IL1RAPL1: variants seen among roughly 807,000 people sequenced by gnomAD.
IL1RAPL1 encodes the protein interleukin 1 receptor accessory protein like 1, also known as interleukin-1 receptor accessory protein-like 1.
IL1RAPL1 carries 3 observed loss-of-function variants against 48.4 expected under a neutral mutation model. The ratio of observed to expected loss-of-function variants is 0.06; its 90% CI spans 0.03 to 0.16. The LOEUF is 0.16. Among genes scored for constraint, IL1RAPL1 ranks in the 10% least tolerant of loss-of-function variants. The probability of loss-of-function intolerance (pLI) is 1.00; values close to 1 mark genes in which losing one functional copy is unlikely to be tolerated. For missense variants in IL1RAPL1, 349 were observed against 530.6 expected, an observed-to-expected ratio of 0.66 and a Z score of 3.36; for synonymous variants, 185 against 187.7, an observed-to-expected ratio of 0.99 and a Z score of 0.12.
At chrX:28,962,574 T>C (rs145560134) in intron 2 of IL1RAPL1, among the ~76,000 whole-genome samples, 1,511 of 111,013 alleles carry the variant, frequency 0.014, 27 homozygotes, top group African/African-American at 0.045. Context: ...TCTACATCCA[T>C]GTATTAACCG....
intron 3 of IL1RAPL1, among the ~76,000 whole-genome samples, chrX:29,353,040 CTT>C (rs1360554758): frequency 8.9e-6 from 1 of 111,931 alleles, no homozygotes; most frequent in Admixed American, 9.6e-5. Flanking sequence ...CTTTGTATAA[CTT>C]ATCCTTCAAC....
At chrX:29,576,874 T>G (rs1602306249) in intron 5 of IL1RAPL1, among the ~76,000 whole-genome samples, 1 of 99,140 alleles carries the variant, frequency 1.0e-5, no homozygotes, top group East Asian at 3.2e-4. Context: ...TATTGATTTA[T>G]ATTTCATAAA....
At chrX:29,245,722 A>G (rs142893582) in intron 2 of IL1RAPL1, among the ~76,000 whole-genome samples, 1 of 111,960 alleles carries the variant, frequency 8.9e-6, no homozygotes, top group African/African-American at 3.2e-5. Context: ...CCCATTCTGT[A>G]GGTTGCCTTT....
chrX:28,679,816 C>A (rs1935037791), intron 1 of IL1RAPL1, among the ~76,000 whole-genome samples: 2 of 111,462 alleles, frequency 1.8e-5, no homozygotes, highest in South Asian at 7.4e-4. Flanking sequence ...GGTTTCTATG[C>A]CTGTTTTTAT....
chrX:29,275,827 C>CAT (rs1187747369), intron 2 of IL1RAPL1, among the ~76,000 whole-genome samples: 1 of 112,110 alleles, frequency 8.9e-6, no homozygotes, highest in East Asian at 2.8e-4. Context: ...CGGTCTATAA[C>CAT]ATGTTGTCTC....
At chrX:29,447,500 G>A (rs1002897051) in intron 5 of IL1RAPL1, among the ~76,000 whole-genome samples, 4 of 111,526 alleles carry the variant, frequency 3.6e-5, no homozygotes, top group Admixed American at 9.6e-5. Flanking sequence ...TTGTAATTAC[G>A]CACCTAGGAT....
At chrX:28,711,702 A>G (rs73630074) in intron 1 of IL1RAPL1, among the ~76,000 whole-genome samples, 3,027 of 107,617 alleles carry the variant, frequency 0.028, 97 homozygotes, top group African/African-American at 0.097. Flanking sequence ...AAGAAGGGGA[A>G]CTTTTAATAT....
Position 28,896,961 on chromosome X carries a change from C to G in IL1RAPL1, c.82+107536C>G, listed in dbSNP as rs180678319. On this transcript the variant is annotated intron_variant, in intron 2 of 10. Transcript: ENST00000378993. ...TTTTCTGGCTATTTGGAACCACTGTCGAGTTTGTATTGGGGTCAAGCGGCA... is the reference window on the plus strand; with the variant it reads ...TTTTCTGGCTATTTGGAACCACTGTGGAGTTTGTATTGGGGTCAAGCGGCA... Among the ~76,000 whole-genome samples the G allele has an allele frequency of 4.2e-4, 47 of 110,732 alleles. No individual in the cohort carries two copies. The East Asian group carries it at 0.012, about 28-fold the overall frequency.
intron 6 of IL1RAPL1, among the ~76,000 whole-genome samples, chrX:29,727,102 A>G (rs1428384212): frequency 8.9e-6 from 1 of 111,988 alleles, no homozygotes; most frequent in Non-Finnish European, 1.9e-5. Flanking sequence ...CTTTCAGACA[A>G]AAGAAAATGT....
At chrX:28,637,118 A>T (rs1934474806) in intron 1 of IL1RAPL1, among the ~76,000 whole-genome samples, 2 of 111,418 alleles carry the variant, frequency 1.8e-5, no homozygotes, top group South Asian at 7.6e-4. Flanking sequence ...TGAATATTTA[A>T]GGTTGAAATT....
Position 29,941,608 on chromosome X carries a change from T to C in IL1RAPL1, c.1058-43T>C, listed in dbSNP as rs994218682. On this transcript the variant is annotated intron_variant, in intron 8 of 10. Coordinates refer to ENST00000378993, the MANE Select transcript of IL1RAPL1 (RefSeq NM_014271.4). ...ACTGAGTTTAATTTATGATTTTGGA[T>C]GTGAATACCATATAATTCCCCATTG... 6.0e-6 allele frequency: 7 copies of C among 1,172,120 alleles called. No individual in the cohort carries two copies. The African/African-American group carries it at 1.2e-4, about 21-fold the overall frequency.
chrX:28,835,490 G>C (rs1921181290), intron 2 of IL1RAPL1, among the ~76,000 whole-genome samples: 1 of 110,843 alleles, frequency 9.0e-6, no homozygotes, highest in Admixed American at 9.7e-5. Flanking sequence ...CAGCACAGTG[G>C]GGGGAACTAA....
At chrX:29,840,867 T>G (rs1442449972) in intron 6 of IL1RAPL1, among the ~76,000 whole-genome samples, 1 of 112,144 alleles carries the variant, frequency 8.9e-6, no homozygotes, top group African/African-American at 3.2e-5. Flanking sequence ...ATAATATTGA[T>G]TATATCACAA....
intron 2 of IL1RAPL1, among the ~76,000 whole-genome samples, chrX:29,107,024 G>C (rs1207096587): frequency 9.0e-6 from 1 of 111,188 alleles, no homozygotes; most frequent in Non-Finnish European, 1.9e-5. Context: ...TTCTATTCTT[G>C]AGCAAAAACT....
At chrX:28,790,217 C>G (rs1936520345) in intron 2 of IL1RAPL1, among the ~76,000 whole-genome samples, 1 of 111,973 alleles carries the variant, frequency 8.9e-6, no homozygotes, top group Non-Finnish European at 1.9e-5. Flanking sequence ...TGTTTTGTTG[C>G]TAGAATTAGA....
At chrX:29,889,233 A>T (rs766046869) in intron 6 of IL1RAPL1, among the ~76,000 whole-genome samples, 3 of 111,814 alleles carry the variant, frequency 2.7e-5, no homozygotes. Flanking sequence ...ACAGCCTATA[A>T]GGTTTAGATT....
chrX:29,406,933 A>T lies in IL1RAPL1; in HGVS notation c.703+7625A>T, dbSNP rs556337972. 7.4e-4 allele frequency among the ~76,000 whole-genome samples: 83 copies of T among 112,189 alleles called. 2 individuals carry two copies. The South Asian group carries it at 0.029, about 40-fold the overall frequency. On this transcript the variant is annotated intron_variant, in intron 5 of 10. Transcript: ENST00000378993. The stretch of plus-strand genomic sequence containing the variant: ...GAAGATATGTCTGTTTTGAATGGAA[A>T]CATTGTTTAAAATGTTATATTTAAA...
chrX:29,716,044 A>G (rs1048663169), intron 6 of IL1RAPL1, among the ~76,000 whole-genome samples: 1 of 111,548 alleles, frequency 9.0e-6, no homozygotes, highest in Non-Finnish European at 1.9e-5. Flanking sequence ...TCTGGGACAG[A>G]GTCTCTGAGA....
At position 29,110,267 on chromosome X, in the gene IL1RAPL1, T is replaced by G. The variant is rs186972782; in HGVS notation, c.83-172671T>G. On this transcript the variant is annotated intron_variant, in intron 2 of 10. Coordinates refer to ENST00000378993, the MANE Select transcript of IL1RAPL1 (RefSeq NM_014271.4). Reference sequence around the variant, plus strand: ...AAATGTGACATAAATCCTATATGTATGTTCTGATTTTTAAAGGGTCTTTAT... The same window carrying G: ...AAATGTGACATAAATCCTATATGTAGGTTCTGATTTTTAAAGGGTCTTTAT... Among the ~76,000 whole-genome samples, 108 of 112,197 alleles carry G rather than the reference T, an allele frequency of 9.6e-4. 1 individual carries two copies. In the Admixed American group the frequency reaches 9.9e-3, roughly 10 times the overall value.
Sources: gnomAD v4.1 joint callset for allele counts (sites outside exome capture counted in the v4.1 genomes callset) on GRCh38, gnomAD v4.1.1 for gene constraint, MANE v1.5 for transcripts, NCBI Gene and HGNC (gene_info 2026-07-23, HGNC 2026-07-21) for gene names.